Variants in ADAP1 observed in about 807,000 individuals in gnomAD.
The protein encoded by ADAP1 is ArfGAP with dual PH domains 1.
In ADAP1, 31 loss-of-function variants were observed where a neutral mutation model predicts 54.9. The observed-to-expected ratio is 0.56, with a 90% CI of 0.42 to 0.76. ADAP1 has a LOEUF of 0.76. ADAP1 is among the 30% of genes least tolerant of loss of function. The probability of loss-of-function intolerance (pLI) is 0.00; values close to 1 mark genes in which losing one functional copy is unlikely to be tolerated. For missense variants in ADAP1, 535 were observed against 512.4 expected, an observed-to-expected ratio of 1.04 and a Z score of -0.42; for synonymous variants, 313 against 202.6, an observed-to-expected ratio of 1.55 and a Z score of -4.63.
intron 1 of ADAP1, among the ~76,000 whole-genome samples, chr7:944,533 C>G (rs1014007453): frequency 2.0e-5 from 3 of 152,084 alleles, no homozygotes; most frequent in African/African-American, 7.2e-5. Flanking sequence ...GGATTATAGG[C>G]CTGAGCCACC....
At chr7:899,343 C>T (rs1360951529) in intron 9 of ADAP1, 76 bp downstream of exon 9, 61 of 1,603,750 alleles carry the variant, frequency 3.8e-5, no homozygotes, top group East Asian at 9.0e-5. Flanking sequence ...GGAGGCCACC[C>T]GCCCTCCTGG....
intron 4 of ADAP1, among the ~76,000 whole-genome samples, chr7:915,261 G>A (rs987161335): frequency 3.9e-5 from 6 of 152,102 alleles, no homozygotes; most frequent in Non-Finnish European, 8.8e-5. Context: ...TCTCACCTGT[G>A]CCGCACACAC....
intron 4 of ADAP1, among the ~76,000 whole-genome samples, chr7:907,710 A>C (rs1845531102): frequency 6.6e-6 from 1 of 152,170 alleles, no homozygotes; most frequent in Non-Finnish European, 1.5e-5. Flanking sequence ...CCCCAACAGC[A>C]TGTGGCTTGC....
At chr7:903,857 G>A (rs1014110309) in intron 6 of ADAP1, 2 of 407,560 alleles carry the variant, frequency 4.9e-6, no homozygotes, top group Admixed American at 4.2e-5. Flanking sequence ...CCCAGAGACA[G>A]CGTGGTGATC....
In ADAP1 at chr7:947,963, G is replaced by A. The variant is rs1361869966; in HGVS notation, c.82+6433C>T. 2.6e-5 allele frequency among the ~76,000 whole-genome samples: 4 copies of A among 151,878 alleles called. No individual in the cohort carries two copies. The East Asian group carries it at 7.7e-4, about 29-fold the overall frequency. The stretch of plus-strand genomic sequence containing the variant: ...TCTCCTTTGACCTGCGAGGTGCACG[G>A]CTGCCCCCACCCCCGACACCACCAG... On this transcript the variant is annotated intron_variant, in intron 1 of 10. Coordinates refer to ENST00000265846, the MANE Select transcript of ADAP1 (RefSeq NM_006869.4).
In ADAP1 at chr7:920,996, C is replaced by T. The variant is rs984805271; in HGVS notation, c.306-946G>A. The T allele has an allele frequency of 1.3e-5, 11 of 826,600 alleles. No homozygotes were observed. The highest frequency in any genetic ancestry group is 6.8e-5 in the African/African-American group (4 of 58,618). The allele number at this position is 826,600 out of a possible 1,614,324, so 51.2% of individuals were successfully genotyped here. A position where few individuals can be genotyped will look rare whatever the true frequency, so the allele number is the denominator to read the frequency against. The stretch of plus-strand genomic sequence containing the variant: ...CCACAGGATCTGATGGGTGATGGGT[C>T]CCAGCTGGGTCTCTGGCCCCTGGCC... On this transcript the variant is annotated intron_variant, in intron 3 of 10. Transcript: ENST00000265846. The surrounding 1 kb of genome is among the most constrained non-coding windows in gnomAD (Gnocchi z 4.5).
chr7:911,566 G>T (rs568907379), intron 4 of ADAP1, among the ~76,000 whole-genome samples: 2 of 148,156 alleles, frequency 1.3e-5, no homozygotes, highest in African/African-American at 5.0e-5. Flanking sequence ...GGCCAGGAAG[G>T]GGGCGGGGGT....
chr7:905,689 A>AAAGG (rs1845199354), intron 4 of ADAP1: 1 of 22,892 alleles, frequency 4.4e-5, no homozygotes, highest in Non-Finnish European at 6.9e-5. Context: ...AGGAGAAAGG[A>AAAGG]GAAAGGAGAA....
At chr7:902,355 G>A (rs1332286231) in intron 6 of ADAP1, among the ~76,000 whole-genome samples, 1 of 149,094 alleles carries the variant, frequency 6.7e-6, no homozygotes, top group African/African-American at 2.5e-5. Flanking sequence ...CTACTCGGGA[G>A]GCTGAGGCAG....
intron 3 of ADAP1, among the ~76,000 whole-genome samples, chr7:924,181 G>A (rs1261399323): frequency 3.1e-5 from 2 of 64,314 alleles, no homozygotes; most frequent in South Asian, 5.8e-4. Flanking sequence ...CGCCCTCCAG[G>A]TTACACAGCA....
At chr7:939,913 G>A (rs529298518) in intron 1 of ADAP1, among the ~76,000 whole-genome samples, 1 of 152,086 alleles carries the variant, frequency 6.6e-6, no homozygotes, top group Admixed American at 6.6e-5. Context: ...AGAAGGGCTT[G>A]TAAGTAGGAC....
At chr7:936,549 C>T (rs1401374577) in intron 1 of ADAP1, among the ~76,000 whole-genome samples, 5 of 152,202 alleles carry the variant, frequency 3.3e-5, no homozygotes, top group East Asian at 1.9e-4. Flanking sequence ...CATTCTGAAA[C>T]GGCAAAATGT....
At chr7:930,144 G>A (rs919413489) in intron 2 of ADAP1, among the ~76,000 whole-genome samples, 1 of 145,062 alleles carries the variant, frequency 6.9e-6, no homozygotes, top group Non-Finnish European at 1.5e-5. Context: ...GGCAGAGAAG[G>A]CCTATTTATG....
intron 6 of ADAP1, among the ~76,000 whole-genome samples, chr7:903,080 C>T (rs1031550974): frequency 4.6e-5 from 7 of 152,154 alleles, no homozygotes; most frequent in Non-Finnish European, 8.8e-5. Context: ...GCGAGATCTC[C>T]AGGCCGTGGG....
intron 1 of ADAP1, among the ~76,000 whole-genome samples, chr7:943,697 C>CGAGGAGGAAGGGAGA (rs1171152167): frequency 2.0e-4 from 1 of 5,070 alleles, no homozygotes; most frequent in African/African-American, 1.9e-3. Context: ...AGGAAGGGAG[C>CGAGGAGGAAGGGAGA]GAGGAGGAAG....
At position 898,863 on chromosome 7, in the gene ADAP1, G is replaced by C. The variant is rs539420428; in HGVS notation, c.*58C>G. 1.4e-5 allele frequency: 22 copies of C among 1,558,620 alleles called. No homozygotes were observed. Among genetic ancestry groups the C allele is most frequent in the Admixed American group, 1.9e-5 (1 of 52,440 alleles). ...AGGACGCCAGAGCCCCCCCATCCAC[G>C]GGTCCCCTCCGTCCAGCCACAGTGA... On this transcript the variant is annotated 3_prime_UTR_variant, in exon 11 of 11. Transcript: ENST00000265846.
At chr7:900,482 C>A (rs76452120) in intron 7 of ADAP1, 51 bp downstream of exon 7, 46 of 1,389,120 alleles carry the variant, frequency 3.3e-5, no homozygotes, top group Non-Finnish European at 4.4e-5. Context: ...GTCCACCCCC[C>A]ACCCCACCAC....
rs1847122528 is a variant in ADAP1 at position 945,869 on chromosome 7, C to T, written c.82+8527G>A. 2.1e-5 allele frequency: 21 copies of T among 980,952 alleles called. No individual in the cohort carries two copies. Among genetic ancestry groups the T allele is most frequent in the Non-Finnish European group, 2.4e-5 (20 of 825,836 alleles). The allele number at this position is 980,952 out of a possible 1,614,324, so 60.8% of individuals were successfully genotyped here. A position where few individuals can be genotyped will look rare whatever the true frequency, so the allele number is the denominator to read the frequency against. On this transcript the variant is annotated intron_variant, in intron 1 of 10. Coordinates refer to ENST00000265846, the MANE Select transcript of ADAP1 (RefSeq NM_006869.4). The surrounding 1 kb of genome is among the most constrained non-coding windows in gnomAD (Gnocchi z 4.2). ...CTTGGGCGGAGCCAGGTGGGGCAGG[C>T]GTGTCCCCCAAGCCAAGGCCCAGGC...
intron 1 of ADAP1, among the ~76,000 whole-genome samples, chr7:950,914 C>T (rs982341427): frequency 2.0e-5 from 3 of 149,822 alleles, no homozygotes; most frequent in Non-Finnish European, 4.4e-5. Context: ...GTGGGTGCCC[C>T]GGACTGGGGA....
Sources: gnomAD v4.1 joint callset for allele counts (sites outside exome capture counted in the v4.1 genomes callset) on GRCh38, gnomAD v4.1.1 for gene constraint, Gnocchi (gnomAD v3.1) non-coding constraint, MANE v1.5 for transcripts, NCBI Gene and HGNC (gene_info 2026-07-23, HGNC 2026-07-21) for gene names.